Variants in BNIP3 observed in about 807,000 individuals in gnomAD.
The protein encoded by BNIP3 is BCL2 interacting protein 3, also known as BCL2/adenovirus E1B 19 kDa protein-interacting protein 3.
A neutral mutation model predicts 23.9 loss-of-function variants in BNIP3; 16 were observed. The ratio of observed to expected loss-of-function variants is 0.67; its 90% CI spans 0.45 to 1.01. BNIP3 has a LOEUF of 1.01. Among genes scored for constraint, BNIP3 ranks in the 50% least tolerant of loss-of-function variants. The pLI, the probability that BNIP3 is intolerant of heterozygous loss-of-function variation, is 0.00. For synonymous variants in BNIP3, 81 were observed against 89.3 expected (o/e 0.91, Z 0.53); for missense variants, 198 against 248.7 (o/e 0.80, Z 1.37).
intron 3 of BNIP3, 54 bp downstream of exon 3, chr10:131,972,980 T>C: frequency 6.5e-7 from 1 of 1,549,218 alleles, no homozygotes; most frequent in Non-Finnish European, 8.9e-7. Context: ...AACCGTTTCC[T>C]GTACAAACAG....
At position 131,973,801 on chromosome 10, in the gene BNIP3, G is replaced by C; in HGVS notation, c.189C>G (p.His63Gln). The change falls in exon 2 of 6, where the codon CAC (histidine) becomes CAG (glutamine). Residue 63 changes from histidine (H) to glutamine (Q), a missense_variant. Transcript: ENST00000368636. ...ESGRSSSKSSHCDSPPRSQTP... is the reference protein window; with the variant it reads ...ESGRSSSKSSQCDSPPRSQTP... Reference sequence around the variant, plus strand: ...TGTTGATGCGCGCCTACCTGTCACAGTGAGAGCTCTTGGAGCTACTCCGTC... The same window carrying C: ...TGTTGATGCGCGCCTACCTGTCACACTGAGAGCTCTTGGAGCTACTCCGTC... 6.2e-7 allele frequency: 1 copy of C among 1,612,324 alleles called. No individual in the cohort carries two copies. The highest frequency in any genetic ancestry group is 8.5e-7 in the Non-Finnish European group (1 of 1,180,002).
chr10:131,971,352 G>C, intron 3 of BNIP3: 1 of 248,042 alleles, frequency 4.0e-6, no homozygotes, highest in South Asian at 5.4e-5. Context: ...AATGAAAACA[G>C]CCGAAAACGG....
chr10:131,971,171 G>A (rs994255092), intron 3 of BNIP3: 11 of 580,708 alleles, frequency 1.9e-5, no homozygotes, highest in African/African-American at 3.7e-5. Flanking sequence ...CTCACAGCAC[G>A]CTCGCCGCCT....
At chr10:131,974,515 A>G (rs1424576502) in intron 1 of BNIP3, among the ~76,000 whole-genome samples, 1 of 152,182 alleles carries the variant, frequency 6.6e-6, no homozygotes, top group Admixed American at 6.5e-5. Context: ...CACCTCCGGA[A>G]TAACTGGAAC....
intron 1 of BNIP3, among the ~76,000 whole-genome samples, chr10:131,977,132 C>A (rs45521833): frequency 0.098 from 14,964 of 151,934 alleles, 991 homozygotes; most frequent in East Asian, 0.34. Context: ...ATTAGCTGGG[C>A]GTGGTGGGCG....
At chr10:131,977,183 C>A (rs1235647237) in intron 1 of BNIP3, among the ~76,000 whole-genome samples, 19 of 152,088 alleles carry the variant, frequency 1.2e-4, no homozygotes. Flanking sequence ...GCAGAAGAAT[C>A]CCTTGAACCT....
Position 131,973,903 on chromosome 10 carries a change from C to T in BNIP3, c.87G>A (p.Gly29=), listed in dbSNP as rs961179988. ...TAGAAACCGAGGCTGGAACGCTGCC[C>T]CCGTTCCCATTATTGCTGAAGTGCA... ...VELHFSNNGN[G]GSVPASVSIY... The change falls in exon 2 of 6, where the codon GGG becomes GGA. Residue 29 remains glycine (G), a synonymous_variant. Transcript: ENST00000368636. The T allele has an allele frequency of 2.6e-5, 42 of 1,613,578 alleles. No homozygotes were observed. Among genetic ancestry groups the T allele is most frequent in the Non-Finnish European group, 3.4e-5 (40 of 1,180,048 alleles).
chr10:131,981,879 G>C lies in BNIP3; in HGVS notation c.-73C>G, dbSNP rs747418393. ...GATGTGCTTCAGCTGCGGGCGGTGG[G>C]AAAGCGGAGGTCGGAGCGCCGCGGC... On this transcript the variant is annotated 5_prime_UTR_variant, in exon 1 of 6. Transcript: ENST00000368636. The C allele has an allele frequency of 5.7e-4, 783 of 1,373,526 alleles. 1 individual carries two copies. Among genetic ancestry groups the C allele is most frequent in the Non-Finnish European group, 7.1e-4 (758 of 1,067,708 alleles). The allele number at this position is 1,373,526 out of a possible 1,614,324, so 85.1% of individuals were successfully genotyped here. A position where few individuals can be genotyped will look rare whatever the true frequency, so the allele number is the denominator to read the frequency against.
chr10:131,971,216 A>C, intron 3 of BNIP3: 1 of 522,246 alleles, frequency 1.9e-6, no homozygotes, highest in East Asian at 3.4e-5. Flanking sequence ...AGCCCCACTC[A>C]GGGCGTAAAT....
chr10:131,978,745 G>A (rs2037097753), intron 1 of BNIP3, among the ~76,000 whole-genome samples: 2 of 152,122 alleles, frequency 1.3e-5, no homozygotes, highest in Admixed American at 1.3e-4. Context: ...CAAATAGATT[G>A]AAAAAGCTCT....
At chr10:131,968,596 A>G in intron 5 of BNIP3, 27 bp from the exon 6 acceptor site, 1 of 1,566,214 alleles carries the variant, frequency 6.4e-7, no homozygotes, top group South Asian at 1.1e-5. Context: ...TCAGTAGTTA[A>G]TGTATCTTGT....
chr10:131,970,997 G>A lies in BNIP3; in HGVS notation c.283-27C>T, dbSNP rs764041668. 2.5e-6 allele frequency: 4 copies of A among 1,601,270 alleles called. No homozygotes were observed. In the South Asian group the frequency reaches 3.3e-5, roughly 13 times the overall value. ...TAAGATAAAGTCAATGTTAAAGGCAGATCAGTGTACCACACGTGACACGGG... is the reference window on the plus strand; with the variant it reads ...TAAGATAAAGTCAATGTTAAAGGCAAATCAGTGTACCACACGTGACACGGG... On this transcript the variant is annotated intron_variant, in intron 3 of 5. Transcript: ENST00000368636. The surrounding 1 kb of genome is among the most constrained non-coding windows in gnomAD (Gnocchi z 4.1).
chr10:131,973,766 CACAT>C, intron 2 of BNIP3, 23 bp downstream of exon 2: 1 of 1,610,918 alleles, frequency 6.2e-7, no homozygotes, highest in Admixed American at 1.7e-5. Flanking sequence ...GGCACTGTAA[CACAT>C]ACACTTGTTG....
rs1371429319 is a variant in BNIP3, at chr10:131,976,889, G to A, written c.47-2946C>T. Reference sequence around the variant, plus strand: ...GCACTTTTGGAGTACACTGCTAATAGGGTGACTTTATGAATAACGCACACA... The same window carrying A: ...GCACTTTTGGAGTACACTGCTAATAAGGTGACTTTATGAATAACGCACACA... On this transcript the variant is annotated intron_variant, in intron 1 of 5. Transcript: ENST00000368636. The surrounding 1 kb of genome is among the most constrained non-coding windows in gnomAD (Gnocchi z 4.3). Among the ~76,000 whole-genome samples the A allele has an allele frequency of 6.6e-6, 1 of 152,172 alleles. No individual in the cohort carries two copies. The highest frequency in any genetic ancestry group is 1.5e-5 in the Non-Finnish European group (1 of 68,020).
At chr10:131,971,197 C>T (rs1425751794) in intron 3 of BNIP3, 2 of 552,518 alleles carry the variant, frequency 3.6e-6, no homozygotes, top group African/African-American at 1.9e-5. Flanking sequence ...GACAGATCAC[C>T]TCTGGGGGAG....
At chr10:131,973,420 G>A (rs1044442437) in intron 2 of BNIP3, 22 of 466,776 alleles carry the variant, frequency 4.7e-5, no homozygotes, top group Non-Finnish European at 7.0e-5. Flanking sequence ...TCAAGGGCAC[G>A]CGACCTTTGA....
intron 1 of BNIP3, among the ~76,000 whole-genome samples, chr10:131,977,232 G>GC (rs922676787): frequency 6.6e-6 from 1 of 151,966 alleles, no homozygotes; most frequent in African/African-American, 2.4e-5. Flanking sequence ...TCATGCCACT[G>GC]CCCCCCAGCC....
intron 3 of BNIP3, among the ~76,000 whole-genome samples, chr10:131,972,488 TA>T (rs2037043895): frequency 1.3e-5 from 2 of 152,224 alleles, no homozygotes; most frequent in Admixed American, 1.3e-4. Context: ...GGACTAATGC[TA>T]GGAAAGGCAC....
chr10:131,971,117 G>A (rs1446205639), intron 3 of BNIP3, 147 bp from the exon 4 acceptor site: 1 of 733,432 alleles, frequency 1.4e-6, no homozygotes, highest in Non-Finnish European at 2.2e-6. Context: ...TCCAAGGGGA[G>A]TCCTGGGGCT....
Sources: allele counts gnomAD v4.1 joint callset (sites outside exome capture counted in the v4.1 genomes callset), GRCh38; gene constraint gnomAD v4.1.1; non-coding constraint Gnocchi (gnomAD v3.1); transcripts MANE v1.5; gene names NCBI Gene and HGNC (gene_info 2026-07-23, HGNC 2026-07-21).